The following ANKHD1 variants were observed in gnomAD, a reference collection of about 807,000 sequenced individuals.
ANKHD1 encodes ankyrin repeat and KH domain-containing protein 1.
A neutral mutation model predicts 230.5 loss-of-function variants in ANKHD1; 31 were observed. The ratio of observed to expected loss-of-function variants is 0.13; its 90% CI spans 0.10 to 0.18. The LOEUF (loss-of-function observed/expected upper bound fraction) is 0.18, where lower values mean the gene tolerates loss of function less well. Ranked by LOEUF, ANKHD1 falls within the 10% of genes least tolerant of loss-of-function variation. The pLI, the probability that ANKHD1 is intolerant of heterozygous loss-of-function variation, is 1.00. For missense variants in ANKHD1, 2,256 were observed against 3,071.3 expected (o/e 0.73, Z 6.27); for synonymous variants, 1,074 against 1,117.6 (o/e 0.96, Z 0.78).
At chr5:140,430,537 A>G (rs983731767) in intron 1 of ANKHD1, among the ~76,000 whole-genome samples, 1 of 152,124 alleles carries the variant, frequency 6.6e-6, no homozygotes, top group African/African-American at 2.4e-5. Context: ...CTTATCTGTT[A>G]TATATAGACA....
rs765564488 is a variant in ANKHD1, at chr5:140,401,879, C to T, written c.-89C>T. 2.7e-6 allele frequency: 4 copies of T among 1,467,882 alleles called. No individual in the cohort carries two copies. The highest frequency in any genetic ancestry group is 1.4e-5 in the South Asian group (1 of 69,690). 90.9% of individuals were successfully genotyped at this position (1,467,882 alleles called of 1,614,324 possible). A position where few individuals can be genotyped will look rare whatever the true frequency, so the allele number is the denominator to read the frequency against. On this transcript the variant is annotated 5_prime_UTR_variant, in exon 1 of 34. Coordinates refer to ENST00000360839, the MANE Select transcript of ANKHD1 (RefSeq NM_017747.3). ...CTGGGACGGGGGAAAGGAGACGCTT[C>T]TTCCTCTTGCTGCTCTTCTCGTTCC... is the stretch of plus-strand genomic sequence containing the variant.
chr5:140,422,105 A>G (rs1376928812), intron 1 of ANKHD1, among the ~76,000 whole-genome samples: 1 of 152,108 alleles, frequency 6.6e-6, no homozygotes, highest in Non-Finnish European at 1.5e-5. Context: ...TAGTTTAAGA[A>G]TTCTGATTGG....
At chr5:140,457,330 T>G (rs1446235741) in intron 7 of ANKHD1, among the ~76,000 whole-genome samples, 1 of 152,162 alleles carries the variant, frequency 6.6e-6, no homozygotes, top group Non-Finnish European at 1.5e-5. Context: ...GAAATACCAT[T>G]TGACCCAGCA....
chr5:140,466,693 C>T (rs970275488), intron 10 of ANKHD1, among the ~76,000 whole-genome samples: 5 of 152,236 alleles, frequency 3.3e-5, no homozygotes, highest in African/African-American at 1.2e-4. Context: ...CGCATGTAAT[C>T]CCAGCACTTT....
Position 140,464,768 on chromosome 5 carries a change from G to T in ANKHD1, c.1774G>T (p.Ala592Ser). ...TGCAGATGTTTTACTTCAAGCAGGGGCTGATTTAGTAAGATATTTTTAATT... is the reference window on the plus strand; with the variant it reads ...TGCAGATGTTTTACTTCAAGCAGGGTCTGATTTAGTAAGATATTTTTAATT... ...DVADVLLQAG[A>S]DLEHESEGGR... The change falls in exon 10 of 34, where the codon GCT (alanine) becomes TCT (serine). Residue 592 changes from alanine to serine, a missense_variant. Physicochemically the swap from Ala to Ser is moderately conservative, Grantham distance 99 (BLOSUM62 1). Transcript: ENST00000360839. The T allele has an allele frequency of 1.3e-6, 2 of 1,598,564 alleles. No individual in the cohort carries two copies. Among genetic ancestry groups the T allele is most frequent in the South Asian group, 2.2e-5 (2 of 89,134 alleles).
In ANKHD1 at chr5:140,407,318, TA is replaced by T. The variant is rs1480021488; in HGVS notation, c.306+5051del. Among the ~76,000 whole-genome samples the T allele has an allele frequency of 7.3e-5, 11 of 151,706 alleles. 1 individual carries two copies. The highest frequency in any genetic ancestry group is 5.9e-5 in the Non-Finnish European group (4 of 67,948). On this transcript the variant is annotated intron_variant, in intron 1 of 33. Coordinates refer to ENST00000360839, the MANE Select transcript of ANKHD1 (RefSeq NM_017747.3). ...TCCAAAAAAAAAAAAAAAACCACTT[TA>T]AAAAATGGTTTTTATTTTAAATTTT...
intron 7 of ANKHD1, among the ~76,000 whole-genome samples, chr5:140,452,307 G>A (rs925178995): frequency 3.9e-5 from 6 of 152,226 alleles, no homozygotes; most frequent in African/African-American, 7.2e-5. Flanking sequence ...GGGCATAGCT[G>A]AACAAAAGGC....
Position 140,457,464 on chromosome 5 carries a change from T to G in ANKHD1, c.1243-1161T>G, listed in dbSNP as rs1027972689. Among the ~76,000 whole-genome samples, 5 of 152,120 alleles carry G rather than the reference T, an allele frequency of 3.3e-5. No homozygotes were observed. In the East Asian group the frequency reaches 5.8e-4, roughly 18 times the overall value. On this transcript the variant is annotated intron_variant, in intron 7 of 33. Coordinates refer to ENST00000360839, the MANE Select transcript of ANKHD1 (RefSeq NM_017747.3). ...GACTTGGAACCAAGCCAAATGTCCA[T>G]CAATGATAGACTGGATTAAGAAAAT...
At chr5:140,495,403 G>A (rs1248819223) in intron 14 of ANKHD1, among the ~76,000 whole-genome samples, 1 of 151,944 alleles carries the variant, frequency 6.6e-6, no homozygotes, top group East Asian at 1.9e-4. Context: ...CCGCCACCAT[G>A]CCTGGCTGAT....
intron 20 of ANKHD1, 79 bp from the exon 21 acceptor site, chr5:140,509,558 T>G: frequency 2.1e-6 from 3 of 1,402,650 alleles, no homozygotes; most frequent in Non-Finnish European, 2.8e-6. Flanking sequence ...TTTAAAGAAA[T>G]TATGTAGCTT....
At chr5:140,402,550 C>G (rs994656274) in intron 1 of ANKHD1, among the ~76,000 whole-genome samples, 1 of 152,194 alleles carries the variant, frequency 6.6e-6, no homozygotes, top group Non-Finnish European at 1.5e-5. Context: ...AGGCTGCCTC[C>G]CGCCCACCCT....
chr5:140,464,886 C>T, intron 10 of ANKHD1, 110 bp downstream of exon 10: 1 of 1,113,366 alleles, frequency 9.0e-7, no homozygotes, highest in Non-Finnish European at 1.2e-6. Flanking sequence ...TATACAGTAA[C>T]TTAAAAAAGC....
At chr5:140,455,127 A>AT (rs1385869428) in intron 7 of ANKHD1, among the ~76,000 whole-genome samples, 1 of 152,234 alleles carries the variant, frequency 6.6e-6, no homozygotes, top group Non-Finnish European at 1.5e-5. Context: ...AAATTGATAA[A>AT]TTCCTGGACA....
At chr5:140,488,858 C>G (rs1427721086) in intron 14 of ANKHD1, among the ~76,000 whole-genome samples, 1 of 151,902 alleles carries the variant, frequency 6.6e-6, no homozygotes, top group African/African-American at 2.4e-5. Flanking sequence ...CGAGATCTTG[C>G]CACTGCACTC....
intron 1 of ANKHD1, among the ~76,000 whole-genome samples, chr5:140,409,466 T>C (rs1474142514): frequency 2.6e-5 from 4 of 152,174 alleles, no homozygotes; most frequent in Admixed American, 1.3e-4. Flanking sequence ...ATAGGAAATA[T>C]AACTTTGTAT....
rs759263991 is a variant in ANKHD1 at position 140,507,911 on chromosome 5, G to A, written c.3678G>A (p.Thr1226=). 1.1e-5 allele frequency: 17 copies of A among 1,613,882 alleles called. No homozygotes were observed. The highest frequency in any genetic ancestry group is 2.7e-5 in the African/African-American group (2 of 74,876). Residue 1226 remains threonine (T), a synonymous_variant, in exon 20 of 34, where the codon ACG becomes ACA. Coordinates refer to ENST00000360839, the MANE Select transcript of ANKHD1 (RefSeq NM_017747.3). The surrounding 1 kb of genome is among the most constrained non-coding windows in gnomAD (Gnocchi z 4.1). ...INAQIETNRN[T]ALTLACFQGR... ...CCCAAATAGAGACCAATCGGAACAC[G>A]GCTCTCACCCTGGCCTGTTTCCAGG...
intron 10 of ANKHD1, among the ~76,000 whole-genome samples, chr5:140,476,400 A>G (rs1750970309): frequency 1.3e-5 from 2 of 152,116 alleles, no homozygotes; most frequent in South Asian, 4.1e-4. Flanking sequence ...CACTAAGCAG[A>G]ACAGATGAAA....
intron 10 of ANKHD1, among the ~76,000 whole-genome samples, chr5:140,468,488 T>G (rs910087022): frequency 4.6e-5 from 7 of 152,160 alleles, no homozygotes; most frequent in Non-Finnish European, 1.0e-4. Flanking sequence ...CTGGAACTTA[T>G]TTCCTTTTAA....
intron 1 of ANKHD1, among the ~76,000 whole-genome samples, chr5:140,412,098 C>T (rs1464906052): frequency 3.9e-5 from 6 of 151,908 alleles, no homozygotes; most frequent in African/African-American, 1.5e-4. Context: ...AGTGCAGTGG[C>T]GGATCTCAGC....
Sources: gnomAD v4.1 joint callset for allele counts (sites outside exome capture counted in the v4.1 genomes callset) on GRCh38, gnomAD v4.1.1 for gene constraint, Gnocchi (gnomAD v3.1) non-coding constraint, MANE v1.5 for transcripts, NCBI Gene and HGNC (gene_info 2026-07-23, HGNC 2026-07-21) for gene names.